STARD7: variants seen among roughly 807,000 people sequenced by gnomAD.
The protein encoded by STARD7 is StAR related lipid transfer domain containing 7.
STARD7 carries 30 observed loss-of-function variants against 45.3 expected under a neutral mutation model. That is an observed-to-expected ratio of 0.66 (90% CI 0.50 to 0.90). The LOEUF is 0.90. Among genes scored for constraint, STARD7 ranks in the 40% least tolerant of loss-of-function variants. STARD7 has a pLI of 0.00. For synonymous variants in STARD7, 199 were observed against 183.0 expected, an observed-to-expected ratio of 1.09 and a Z score of -0.70; for missense variants, 495 against 491.3, an observed-to-expected ratio of 1.01 and a Z score of -0.07.
At chr2:96,197,607 A>T (rs572985892) in intron 1 of STARD7, among the ~76,000 whole-genome samples, 1 of 152,268 alleles carries the variant, frequency 6.6e-6, no homozygotes, top group East Asian at 1.9e-4. Context: ...CATAAGATTC[A>T]TTCTTTTACA....
Position 96,208,422 on chromosome 2 carries a change from T to C in STARD7, c.13A>G (p.Arg5Gly). Reference sequence around the variant, plus strand: ...CCCGCCAGCCAGGCGGCCAGCAGCCTCCGCGGGAGCATGCCGCCTCCCGCA... The same window carrying C: ...CCCGCCAGCCAGGCGGCCAGCAGCCCCCGCGGGAGCATGCCGCCTCCCGCA... MLPR[R>G]LLAAWLAGTR... The change falls in exon 1 of 8, where the codon AGG (arginine) becomes GGG (glycine). Residue 5 changes from arginine to glycine, a missense_variant. By Grantham distance (125) the Arg-to-Gly change is moderately radical. Around this residue, in one of 2 missense-constraint regions of STARD7, gnomAD observed 282 missense variants for 220.1 expected, o/e 1.28. Transcript: ENST00000337288. 1.4e-6 allele frequency: 2 copies of C among 1,393,496 alleles called. No homozygotes were observed. Among genetic ancestry groups the C allele is most frequent in the Non-Finnish European group, 1.8e-6 (2 of 1,085,272 alleles). 86.3% of individuals were successfully genotyped at this position (1,393,496 alleles called of 1,614,324 possible).
Position 96,208,807 on chromosome 2 carries a change from C to G in STARD7, c.-373G>C, listed in dbSNP as rs1274041474. On this transcript the variant is annotated 5_prime_UTR_variant, in exon 1 of 8. Coordinates refer to ENST00000337288, the MANE Select transcript of STARD7 (RefSeq NM_020151.4). ...TCAGGCCCAGCAGCACGCAAGCTCC[C>G]GCGCCTTCCGCGACTGCCACACGCG... The G allele has an allele frequency of 5.0e-6, 2 of 402,180 alleles. No individual in the cohort carries two copies. Among genetic ancestry groups the G allele is most frequent in the Non-Finnish European group, 8.8e-6 (2 of 226,760 alleles). 24.9% of individuals were successfully genotyped at this position (402,180 alleles called of 1,614,324 possible).
Position 96,186,927 on chromosome 2 carries a change from G to A in STARD7, c.929-13C>T, listed in dbSNP as rs200335494. 2.5e-5 allele frequency: 40 copies of A among 1,608,478 alleles called. No homozygotes were observed. The highest frequency in any genetic ancestry group is 1.7e-4 in the Middle Eastern group (1 of 6,026). On this transcript the variant is annotated splice_polypyrimidine_tract_variant and intron_variant, in intron 7 of 7. Transcript: ENST00000337288. The stretch of plus-strand genomic sequence containing the variant: ...AAATCTGGCATGCCTGTCAGGAGAC[G>A]AGAATCAGGTTAAGCTGACATACAA...
intron 1 of STARD7, among the ~76,000 whole-genome samples, chr2:96,201,532 G>T (rs1011787723): frequency 6.6e-6 from 1 of 151,510 alleles, no homozygotes; most frequent in African/African-American, 2.4e-5. Flanking sequence ...GGACTGTAGC[G>T]AGCCAAAATC....
At chr2:96,200,550 C>A (rs1289515981) in intron 1 of STARD7, among the ~76,000 whole-genome samples, 1 of 152,086 alleles carries the variant, frequency 6.6e-6, no homozygotes, top group Non-Finnish European at 1.5e-5. Flanking sequence ...CAGAGGAACC[C>A]TAAGTATACT....
At chr2:96,195,735 GATT>G (rs1465204150) in intron 1 of STARD7, among the ~76,000 whole-genome samples, 186 bp from the exon 2 acceptor site, 2 of 152,136 alleles carry the variant, frequency 1.3e-5, no homozygotes, top group Non-Finnish European at 2.9e-5. Flanking sequence ...TCACTAACTA[GATT>G]ATTATTTAAC....
chr2:96,208,182 A>C lies in STARD7; in HGVS notation c.253T>G (p.Trp85Gly), dbSNP rs1276352294. ...TCCTCCTGGATCCTCTCCTCGTCCC[A>C]AACGAAGACGCCGGCTAACGCCGCC... is the stretch of plus-strand genomic sequence containing the variant. The part of the protein sequence containing the change: ...LMAALAGVFV[W>G]DEERIQEEEL... The change falls in exon 1 of 8, where the codon TGG becomes GGG. Residue 85 changes from tryptophan (W) to glycine (G), a missense_variant. Physicochemically the swap from Trp to Gly is radical, Grantham distance 184 (BLOSUM62 -2). This residue lies in a region of STARD7 where 282 missense variants were observed against 220.1 expected (regional missense o/e 1.28). Coordinates refer to ENST00000337288, the MANE Select transcript of STARD7 (RefSeq NM_020151.4). 1 of 1,602,860 alleles carries C rather than the reference A, an allele frequency of 6.2e-7. No individual in the cohort carries two copies. Among genetic ancestry groups the C allele is most frequent in the South Asian group, 1.1e-5 (1 of 89,474 alleles).
In STARD7 at chr2:96,187,257, C is replaced by G. The variant is rs375847325; in HGVS notation, c.888G>C (p.Thr296=). The change falls in exon 7 of 8, where the codon ACG becomes ACC. Residue 296 remains threonine (T), a synonymous_variant. Transcript: ENST00000337288. ...AACTAACACAGTAGCGAGGAAACAC[C>G]GTTTGGGGATTGTCACTGTATGTTA... ...YLLTYSDNPQ[T]VFPRYCVSWM... 2 of 1,613,810 alleles carry G rather than the reference C, an allele frequency of 1.2e-6. No individual in the cohort carries two copies. Among genetic ancestry groups the G allele is most frequent in the South Asian group, 2.2e-5 (2 of 91,060 alleles).
At chr2:96,193,656 T>C (rs1683160640) in intron 3 of STARD7, among the ~76,000 whole-genome samples, 1 of 152,230 alleles carries the variant, frequency 6.6e-6, no homozygotes, top group African/African-American at 2.4e-5. Context: ...GTGATATGAA[T>C]GTGTAAGGGT....
chr2:96,198,506 T>C (rs1481998649), intron 1 of STARD7, among the ~76,000 whole-genome samples: 1 of 152,306 alleles, frequency 6.6e-6, no homozygotes, highest in African/African-American at 2.4e-5. Context: ...ACATCAGCAA[T>C]GTTTGAGGAT....
chr2:96,208,382 C>A lies in STARD7; in HGVS notation c.53G>T (p.Gly18Val). Residue 18 changes from glycine (G) to valine (V), a missense_variant, in exon 1 of 8, where the codon GGC (glycine) becomes GTC (valine). Coordinates refer to ENST00000337288, the MANE Select transcript of STARD7 (RefSeq NM_020151.4). The stretch of plus-strand genomic sequence containing the variant: ...CTGATTGGCCAGAAGCGCCAGCAGG[C>A]CCCCGCCCCGCGTCCCCGCCAGCCA... ...AAWLAGTRGGGLLALLANQCR... is the reference protein window; with the variant it reads ...AAWLAGTRGGVLLALLANQCR... 1 of 1,490,876 alleles carries A rather than the reference C, an allele frequency of 6.7e-7. No homozygotes were observed. The highest frequency in any genetic ancestry group is 8.8e-7 in the Non-Finnish European group (1 of 1,130,782). The allele number at this position is 1,490,876 out of a possible 1,614,324, so 92.4% of individuals were successfully genotyped here. A position where few individuals can be genotyped will look rare whatever the true frequency, so the allele number is the denominator to read the frequency against.
chr2:96,190,004 T>C (rs1443913527), intron 6 of STARD7, among the ~76,000 whole-genome samples: 1 of 152,230 alleles, frequency 6.6e-6, no homozygotes, highest in African/African-American at 2.4e-5. Flanking sequence ...CAGTAAAATG[T>C]ATTACTTGGT....
Position 96,190,752 on chromosome 2 carries a change from C to T in STARD7, c.843+1617G>A, listed in dbSNP as rs1038765499. 5.3e-5 allele frequency among the ~76,000 whole-genome samples: 8 copies of T among 152,230 alleles called. No individual in the cohort carries two copies. In the East Asian group the frequency reaches 1.5e-3, roughly 29 times the overall value. ...GACCTCCTGGACTCAAGTGATTCTC[C>T]CAACCTCAGCTTCCCAAGCAGCTGG... On this transcript the variant is annotated intron_variant, in intron 6 of 7. Coordinates refer to ENST00000337288, the MANE Select transcript of STARD7 (RefSeq NM_020151.4).
rs1375758505 is a variant in STARD7, at chr2:96,193,094, T to C, written c.727A>G (p.Met243Val). 1 of 1,613,136 alleles carries C rather than the reference T, an allele frequency of 6.2e-7. No individual in the cohort carries two copies. The highest frequency in any genetic ancestry group is 8.5e-7 in the Non-Finnish European group (1 of 1,179,450). The change falls in exon 5 of 8, where the codon ATG becomes GTG. Residue 243 changes from methionine to valine, a missense_variant. Met to Val is a conservative substitution (Grantham distance 21). Coordinates refer to ENST00000337288, the MANE Select transcript of STARD7 (RefSeq NM_020151.4). ...CATACATACCGCGACACCAACACCA[T>C]CATGTTGTTTTCCTGATCCACACTA... ...RYSVDQENNM[M>V]VLVSRAVEHP...
Position 96,195,334 on chromosome 2 carries a change from G to A in STARD7, c.499+7C>T, listed in dbSNP as rs1476921556. 1.3e-6 allele frequency: 2 copies of A among 1,559,528 alleles called. No homozygotes were observed. The highest frequency in any genetic ancestry group is 1.2e-5 in the South Asian group (1 of 84,762). On this transcript the variant is annotated splice_region_variant and intron_variant, in intron 2 of 7. Transcript: ENST00000337288. ...TGGAACCCAAAAGATAGCCACACTG[G>A]GCTCACCTCGGTACTGGTAAAGGTG... is the stretch of plus-strand genomic sequence containing the variant.
At chr2:96,202,621 A>C (rs1683324421) in intron 1 of STARD7, among the ~76,000 whole-genome samples, 1 of 152,178 alleles carries the variant, frequency 6.6e-6, no homozygotes, top group Non-Finnish European at 1.5e-5. Context: ...AACAATAACT[A>C]AGCACAACTC....
chr2:96,194,516 C>T (rs1266009094), intron 3 of STARD7, among the ~76,000 whole-genome samples: 1 of 152,122 alleles, frequency 6.6e-6, no homozygotes, highest in Non-Finnish European at 1.5e-5. Context: ...CAGAGGACTA[C>T]ATGAAAGTGT....
At chr2:96,205,046 A>C (rs975980808) in intron 1 of STARD7, among the ~76,000 whole-genome samples, 1 of 152,180 alleles carries the variant, frequency 6.6e-6, no homozygotes. Context: ...GTTCCAAAGC[A>C]ATCAAAAACA....
At chr2:96,192,100 G>A (rs1206226445) in intron 6 of STARD7, among the ~76,000 whole-genome samples, 1 of 152,198 alleles carries the variant, frequency 6.6e-6, no homozygotes, top group Admixed American at 6.5e-5. Context: ...TACTGATACA[G>A]GCTAATGCGT....
Sources: gnomAD v4.1 joint callset for allele counts (sites outside exome capture counted in the v4.1 genomes callset) on GRCh38, gnomAD v4.1.1 for gene constraint, gnomAD v4.1.1 regional missense constraint, MANE v1.5 for transcripts, NCBI Gene and HGNC (gene_info 2026-07-23, HGNC 2026-07-21) for gene names.